Variants in PRKG1 observed in about 807,000 individuals in gnomAD.
PRKG1 encodes the protein cGMP-dependent protein kinase 1.
PRKG1 carries 35 observed loss-of-function variants against 88.1 expected under a neutral mutation model. The observed-to-expected ratio is 0.40, with a 90% CI of 0.30 to 0.53. PRKG1 has a LOEUF of 0.53. Among genes scored for constraint, PRKG1 ranks in the 20% least tolerant of loss-of-function variants. The pLI, the probability that PRKG1 is intolerant of heterozygous loss-of-function variation, is 0.59. For missense variants in PRKG1, 540 were observed against 839.8 expected (o/e 0.64, Z 4.41); for synonymous variants, 303 against 292.5 (o/e 1.04, Z -0.37).
intron 5 of PRKG1, among the ~76,000 whole-genome samples, chr10:51,955,907 C>T (rs1843291788): frequency 6.6e-6 from 1 of 152,150 alleles, no homozygotes; most frequent in African/African-American, 2.4e-5. Context: ...CAATAGCGAC[C>T]ATTCTTCTCT....
At chr10:51,165,530 A>G (rs566534992) in intron 2 of PRKG1, among the ~76,000 whole-genome samples, 20 of 152,284 alleles carry the variant, frequency 1.3e-4, no homozygotes, top group South Asian at 4.1e-4. Context: ...GACAGGATCA[A>G]ATTCACACAT....
At chr10:51,791,439 T>A (rs1589290153) in intron 3 of PRKG1, among the ~76,000 whole-genome samples, 1 of 152,246 alleles carries the variant, frequency 6.6e-6, no homozygotes, top group East Asian at 1.9e-4. Flanking sequence ...AATAAACCCA[T>A]CAAATACTTT....
intron 2 of PRKG1, among the ~76,000 whole-genome samples, chr10:51,448,497 G>A (rs1161299223): frequency 1.3e-5 from 2 of 152,004 alleles, no homozygotes; most frequent in Non-Finnish European, 2.9e-5. Flanking sequence ...GGTTATTTCT[G>A]AGGATTGTGA....
At chr10:52,006,656 T>C (rs1221311980) in intron 5 of PRKG1, among the ~76,000 whole-genome samples, 1 of 152,204 alleles carries the variant, frequency 6.6e-6, no homozygotes, top group Non-Finnish European at 1.5e-5. Context: ...TATGATTCAC[T>C]GATGTCCCTG....
chr10:51,987,408 C>T (rs926590856), intron 5 of PRKG1, among the ~76,000 whole-genome samples: 4 of 149,672 alleles, frequency 2.7e-5, no homozygotes, highest in South Asian at 2.1e-4. Flanking sequence ...ATGTTCTATA[C>T]GTGGTAGAAG....
Position 52,166,878 on chromosome 10 carries a change from T to TAC in PRKG1, c.1076+4916_1076+4917insCA, listed in dbSNP as rs1491164933. On this transcript the variant is annotated intron_variant, in intron 9 of 17. Transcript: ENST00000373980. ...ATATATATATCTGTATATGTGTATG[T>TAC]ATACACACACACACACACACACACA... Among the ~76,000 whole-genome samples the TAC allele has an allele frequency of 1.1e-3, 40 of 34,786 alleles. 1 individual carries two copies. The highest frequency in any genetic ancestry group is 2.7e-3 in the African/African-American group (37 of 13,520). 22.8% of individuals were successfully genotyped at this position (34,786 alleles called of 152,430 possible).
intron 5 of PRKG1, among the ~76,000 whole-genome samples, chr10:51,975,492 C>T (rs1843809221): frequency 6.6e-6 from 1 of 152,022 alleles, no homozygotes; most frequent in African/African-American, 2.4e-5. Flanking sequence ...GTAAACATTC[C>T]ACACATACAT....
At position 52,193,556 on chromosome 10, in the gene PRKG1, AAAAAAACAAAAAAAAAAAAC is replaced by A. The variant is rs1334374168; in HGVS notation, c.1076+31600_1076+31619del. Among the ~76,000 whole-genome samples, 274 of 28,624 alleles carry A rather than the reference AAAAAAACAAAAAAAAAAAAC, an allele frequency of 9.6e-3. 9 individuals carry two copies. The highest frequency in any genetic ancestry group is 0.017 in the African/African-American group (257 of 14,906). The allele number at this position is 28,624 out of a possible 152,430, so 18.8% of individuals were successfully genotyped here. A position where few individuals can be genotyped will look rare whatever the true frequency, so the allele number is the denominator to read the frequency against. On this transcript the variant is annotated intron_variant, in intron 9 of 17. Transcript: ENST00000373980. ...AGAGTGAGACTCTGTCTCAAAAAAA[AAAAAAACAAAAAAAAAAAAC>A]AAAAAAAAAACTATTCCAAATGTCA...
chr10:51,712,007 AG>A (rs1237704701), intron 3 of PRKG1, among the ~76,000 whole-genome samples: 3 of 152,228 alleles, frequency 2.0e-5, no homozygotes, highest in Non-Finnish European at 2.9e-5. Flanking sequence ...GATGAAGCAG[AG>A]GAAAGCGTAT....
chr10:52,026,498 A>C (rs1481248908), intron 5 of PRKG1, among the ~76,000 whole-genome samples: 1 of 152,228 alleles, frequency 6.6e-6, no homozygotes, highest in Non-Finnish European at 1.5e-5. Flanking sequence ...AGATGTCCCA[A>C]AATGAGCAAT....
intron 3 of PRKG1, among the ~76,000 whole-genome samples, chr10:51,525,111 T>C (rs1322763725): frequency 6.7e-6 from 1 of 149,782 alleles, no homozygotes; most frequent in Non-Finnish European, 1.5e-5. Context: ...ATGTGGTGCA[T>C]GTGCACACGA....
At chr10:52,203,563 C>T (rs909467860) in intron 9 of PRKG1, among the ~76,000 whole-genome samples, 2 of 152,014 alleles carry the variant, frequency 1.3e-5, no homozygotes, top group African/African-American at 2.4e-5. Flanking sequence ...GTTCAGGTCC[C>T]GAATATCTTT....
chr10:52,185,312 AC>A (rs1286708749), intron 9 of PRKG1, among the ~76,000 whole-genome samples: 6 of 152,144 alleles, frequency 3.9e-5, no homozygotes, highest in African/African-American at 1.2e-4. Flanking sequence ...CAGACATTAA[AC>A]CTTAAAGATC....
chr10:51,142,060 C>A (rs922243561), intron 1 of PRKG1, among the ~76,000 whole-genome samples: 3 of 152,036 alleles, frequency 2.0e-5, no homozygotes, highest in African/African-American at 7.2e-5. Context: ...TACTTCATTT[C>A]TCCTCCATAT....
At chr10:51,685,744 T>G (rs1392670229) in intron 3 of PRKG1, among the ~76,000 whole-genome samples, 1 of 152,184 alleles carries the variant, frequency 6.6e-6, no homozygotes, top group Admixed American at 6.5e-5. Flanking sequence ...CAGCTGGAAA[T>G]GAACTGGAGA....
At chr10:51,620,223 T>G (rs1839170264) in intron 3 of PRKG1, among the ~76,000 whole-genome samples, 1 of 152,196 alleles carries the variant, frequency 6.6e-6, no homozygotes, top group African/African-American at 2.4e-5. Context: ...AAAACCCTTA[T>G]GAAGATTGTA....
chr10:51,143,470 A>T (rs754248499), intron 1 of PRKG1, among the ~76,000 whole-genome samples: 6 of 151,982 alleles, frequency 3.9e-5, no homozygotes, highest in African/African-American at 1.2e-4. Flanking sequence ...TCAAAATACT[A>T]ATTTAGTTTA....
intron 2 of PRKG1, among the ~76,000 whole-genome samples, chr10:51,313,661 T>C (rs1263813266): frequency 6.6e-6 from 1 of 152,178 alleles, no homozygotes; most frequent in Non-Finnish European, 1.5e-5. Flanking sequence ...AGTTGTCCCT[T>C]GGTATCCATA....
rs541158164 is a variant in PRKG1 at position 51,065,406 on chromosome 10, A to T, written c.266+73762A>T. Among the ~76,000 whole-genome samples, 14 of 151,700 alleles carry T rather than the reference A, an allele frequency of 9.2e-5. No homozygotes were observed. The East Asian group carries it at 2.5e-3, about 27-fold the overall frequency. ...GATATCAAGACACATTATTTCCTAGAAAAAAAAATCAGAGTGACAGGAAGA... is the reference window on the plus strand; with the variant it reads ...GATATCAAGACACATTATTTCCTAGTAAAAAAAATCAGAGTGACAGGAAGA... On this transcript the variant is annotated intron_variant, in intron 1 of 17. Coordinates refer to the PRKG1 transcript ENST00000401604.
Sources: allele counts gnomAD v4.1 joint callset (sites outside exome capture counted in the v4.1 genomes callset), GRCh38; gene constraint gnomAD v4.1.1; transcripts MANE v1.5; gene names NCBI Gene and HGNC (gene_info 2026-07-23, HGNC 2026-07-21).